Variants in AQR observed in about 807,000 individuals in gnomAD.
The protein encoded by AQR is RNA helicase aquarius.
AQR carries 61 observed loss-of-function variants against 180.5 expected under a neutral mutation model. The ratio of observed to expected loss-of-function variants is 0.34; its 90% confidence interval spans 0.28 to 0.42. AQR has a LOEUF of 0.42. AQR is among the 10% of genes least tolerant of loss of function. AQR has a pLI of 1.00. For synonymous variants in AQR, 551 were observed against 588.8 expected (o/e 0.94, Z 0.93); for missense variants, 1,281 against 1,798.3 (o/e 0.71, Z 5.20).
intron 23 of AQR, among the ~76,000 whole-genome samples, chr15:34,890,912 G>A (rs888083312): frequency 6.6e-6 from 1 of 152,026 alleles, no homozygotes; most frequent in Non-Finnish European, 1.5e-5. Context: ...GGGTTCCCTC[G>A]AATCCTAGTA....
Position 34,915,054 on chromosome 15 carries a change from T to C in AQR, c.1468A>G (p.Ser490Gly), listed in dbSNP as rs1893560011. 4 of 1,607,134 alleles carry C rather than the reference T, an allele frequency of 2.5e-6. No homozygotes were observed. In the South Asian group the frequency reaches 4.5e-5, roughly 18 times the overall value. ...TTTACTAACCATGGCTTCATTCTGC[T>C]GACACTATCTTCAATGTCCTGACGA... ...EIRQDIEDSV[S>G]RMKPWQSEYG... The change falls in exon 16 of 35, where the codon AGC becomes GGC. Residue 490 changes from serine (S) to glycine (G), a missense_variant. Ser to Gly is a moderately conservative substitution (Grantham distance 56). This residue lies in a region of AQR where 200 missense variants were observed against 293.4 expected (regional missense o/e 0.68). Transcript: ENST00000156471.
At chr15:34,938,380 A>C (rs972876212) in intron 9 of AQR, among the ~76,000 whole-genome samples, 14 of 152,010 alleles carry the variant, frequency 9.2e-5, no homozygotes, top group African/African-American at 3.1e-4. Context: ...CCAAAAATAC[A>C]AAACTAACTG....
intron 12 of AQR, among the ~76,000 whole-genome samples, chr15:34,929,267 T>C (rs1893812596): frequency 6.6e-6 from 1 of 152,266 alleles, no homozygotes; most frequent in Non-Finnish European, 1.5e-5. Flanking sequence ...CTTTTGCCCA[T>C]GCCTATGTCC....
intron 2 of AQR, among the ~76,000 whole-genome samples, chr15:34,962,071 G>A (rs2050282708): frequency 6.7e-6 from 1 of 149,752 alleles, no homozygotes; most frequent in Admixed American, 6.7e-5. Context: ...CACCTAGGGT[G>A]GAGTGTAGCA....
chr15:34,961,276 A>G (rs1318758144), intron 2 of AQR, among the ~76,000 whole-genome samples: 7 of 152,128 alleles, frequency 4.6e-5, no homozygotes, highest in African/African-American at 1.4e-4. Context: ...CAGAATTTCC[A>G]TTCATTTGAG....
intron 32 of AQR, among the ~76,000 whole-genome samples, chr15:34,864,005 A>C (rs747903332): frequency 7.9e-5 from 12 of 152,186 alleles, no homozygotes. Flanking sequence ...CCAATCTCTG[A>C]AAGAAAGTGT....
chr15:34,932,521 T>C (rs911349078), intron 10 of AQR, 87 bp from the exon 11 acceptor site: 11 of 955,630 alleles, frequency 1.2e-5, no homozygotes, highest in Middle Eastern at 2.2e-4. Context: ...CTCTCAAGTA[T>C]TAATCACATA....
At chr15:34,872,290 T>C (rs1451734919) in intron 30 of AQR, among the ~76,000 whole-genome samples, 3 of 152,200 alleles carry the variant, frequency 2.0e-5, no homozygotes, top group Admixed American at 2.0e-4. Context: ...ATGTTATCAC[T>C]TAAATGCATA....
chr15:34,871,388 T>A (rs953746193), intron 30 of AQR, among the ~76,000 whole-genome samples: 1 of 151,708 alleles, frequency 6.6e-6, no homozygotes, highest in African/African-American at 2.4e-5. Context: ...ATGCCTATAG[T>A]CTCAGCTACT....
At position 34,949,987 on chromosome 15, in the gene AQR, A is replaced by C. The variant is rs1195613179; in HGVS notation, c.210-1603T>G. ...TCTCCAAAACTAAAAAAAAAAAAAA[A>C]AATCTTCTGAAACTCCTACTAAGCC... On this transcript the variant is annotated intron_variant, in intron 4 of 34. Transcript: ENST00000156471. Among the ~76,000 whole-genome samples the C allele has an allele frequency of 3.3e-5, 5 of 151,308 alleles. No individual in the cohort carries two copies. In the East Asian group the frequency reaches 9.7e-4, roughly 29 times the overall value.
chr15:34,966,618 T>G (rs1423411906), intron 1 of AQR, among the ~76,000 whole-genome samples: 1 of 152,192 alleles, frequency 6.6e-6, no homozygotes, highest in Non-Finnish European at 1.5e-5. Context: ...CATGTCTGTT[T>G]TATTCCCCAT....
chr15:34,895,262 C>T (rs1893227366), intron 22 of AQR, among the ~76,000 whole-genome samples: 2 of 110,906 alleles, frequency 1.8e-5, no homozygotes, highest in Admixed American at 1.0e-4. Context: ...ATTCAAATAA[C>T]ACAACGGAAG....
intron 2 of AQR, among the ~76,000 whole-genome samples, chr15:34,963,681 T>C (rs1411770889): frequency 6.6e-6 from 1 of 151,350 alleles, no homozygotes; most frequent in Non-Finnish European, 1.5e-5. Flanking sequence ...TTCTTTTTTT[T>C]GAGATGGAGT....
chr15:34,896,261 T>C (rs1893241789), intron 22 of AQR, among the ~76,000 whole-genome samples: 2 of 152,200 alleles, frequency 1.3e-5, no homozygotes, highest in African/African-American at 4.8e-5. Context: ...ATATATTTGC[T>C]AATTACCCTG....
At chr15:34,922,622 T>C (rs1475620198) in intron 13 of AQR, among the ~76,000 whole-genome samples, 5 of 152,028 alleles carry the variant, frequency 3.3e-5, no homozygotes, top group Admixed American at 1.3e-4. Context: ...TGGCAAGATA[T>C]AGCTCACTGC....
chr15:34,891,459 A>C (rs1893146821), intron 23 of AQR, among the ~76,000 whole-genome samples: 1 of 152,238 alleles, frequency 6.6e-6, no homozygotes, highest in Non-Finnish European at 1.5e-5. Context: ...CAAAACAGTT[A>C]ACTGAAGGAA....
intron 4 of AQR, among the ~76,000 whole-genome samples, chr15:34,950,034 A>ACCT (rs1894196257): frequency 7.1e-6 from 1 of 141,784 alleles, no homozygotes; most frequent in Non-Finnish European, 1.5e-5. Context: ...GCCTCCACAT[A>ACCT]CCTTATTTTC....
chr15:34,892,888 G>T (rs570557409), intron 23 of AQR, among the ~76,000 whole-genome samples: 3 of 152,256 alleles, frequency 2.0e-5, no homozygotes, highest in Admixed American at 6.5e-5. Flanking sequence ...TACAATTTCT[G>T]CTGAATTCAT....
chr15:34,968,843 T>C (rs1193162144), intron 1 of AQR, among the ~76,000 whole-genome samples: 1 of 152,114 alleles, frequency 6.6e-6, no homozygotes, highest in Non-Finnish European at 1.5e-5. Flanking sequence ...GGCAAATCTG[T>C]TGAGACAAGG....
Sources: gnomAD v4.1 joint callset for allele counts (sites outside exome capture counted in the v4.1 genomes callset) on GRCh38, gnomAD v4.1.1 for gene constraint, gnomAD v4.1.1 regional missense constraint, MANE v1.5 for transcripts, NCBI Gene and HGNC (gene_info 2026-07-23, HGNC 2026-07-21) for gene names.